MARCHF1: variants seen among roughly 807,000 people sequenced by gnomAD.
MARCHF1 encodes membrane associated ring-CH-type finger 1, also known as E3 ubiquitin-protein ligase MARCHF1.
Under a neutral mutation model 54.2 loss-of-function variants are expected in MARCHF1, and 40 were observed. The observed-to-expected ratio is 0.74, with a 90% CI of 0.57 to 0.96. The LOEUF is 0.96. Ranked by LOEUF, MARCHF1 falls within the 40% of genes least tolerant of loss-of-function variation. The pLI is 0.00. For missense variants in MARCHF1, 586 were observed against 656.5 expected (o/e 0.89, Z 1.17); for synonymous variants, 236 against 236.3 (o/e 1.00, Z 0.01).
intron 1 of MARCHF1, among the ~76,000 whole-genome samples, chr4:164,322,932 T>C (rs535629524): frequency 1.3e-5 from 2 of 151,982 alleles, no homozygotes; most frequent in South Asian, 4.2e-4. Flanking sequence ...ATATGTAAAG[T>C]AAAAACTGTT....
intron 1 of MARCHF1, among the ~76,000 whole-genome samples, chr4:164,269,017 TTTA>T (rs1733678959): frequency 6.6e-6 from 1 of 152,118 alleles, no homozygotes; most frequent in Non-Finnish European, 1.5e-5. Context: ...AATTTTGGGG[TTTA>T]TATTTTTGAA....
intron 2 of MARCHF1, among the ~76,000 whole-genome samples, chr4:164,096,569 T>TA (rs1755417207): frequency 8.1e-6 from 1 of 123,880 alleles, no homozygotes; most frequent in Admixed American, 7.5e-5. Context: ...GTATCTAAAA[T>TA]TAAAAAAAAA....
intron 5 of MARCHF1, among the ~76,000 whole-genome samples, chr4:163,668,859 A>C (rs986916602): frequency 1.3e-5 from 2 of 152,122 alleles, no homozygotes; most frequent in Admixed American, 6.6e-5. Flanking sequence ...GAGGTAGAGG[A>C]GTCAAAGAAG....
intron 1 of MARCHF1, among the ~76,000 whole-genome samples, chr4:164,131,513 T>C (rs960816397): frequency 3.3e-5 from 5 of 152,282 alleles, no homozygotes; most frequent in African/African-American, 1.2e-4. Context: ...TTCAAGGTAA[T>C]AGTTTTTAAG....
intron 3 of MARCHF1, among the ~76,000 whole-genome samples, chr4:163,972,019 T>C (rs1212573512): frequency 6.6e-6 from 1 of 151,994 alleles, no homozygotes; most frequent in East Asian, 1.9e-4. Context: ...TGTGCAGCAA[T>C]AAAAAAGGAT....
intron 5 of MARCHF1, among the ~76,000 whole-genome samples, chr4:163,633,258 C>T (rs1379172116): frequency 7.2e-5 from 11 of 152,280 alleles, no homozygotes; most frequent in Middle Eastern, 3.4e-3. Context: ...ATGACTTTGA[C>T]GAGCTGAGAG....
At chr4:163,604,207 A>G (rs1188685887) in intron 7 of MARCHF1, among the ~76,000 whole-genome samples, 1 of 152,012 alleles carries the variant, frequency 6.6e-6, no homozygotes, top group Non-Finnish European at 1.5e-5. Context: ...TGAACTCTAG[A>G]CCTTGCCTGT....
At chr4:164,048,501 G>C (rs1754287731) in intron 2 of MARCHF1, among the ~76,000 whole-genome samples, 1 of 152,052 alleles carries the variant, frequency 6.6e-6, no homozygotes. Context: ...TGAGAACAAT[G>C]TTAATATCAC....
At chr4:163,547,672 T>C (rs1158591603) in intron 8 of MARCHF1, among the ~76,000 whole-genome samples, 1 of 152,222 alleles carries the variant, frequency 6.6e-6, no homozygotes, top group Non-Finnish European at 1.5e-5. Flanking sequence ...AAGAATTAAA[T>C]AGATACTTCC....
intron 9 of MARCHF1, among the ~76,000 whole-genome samples, chr4:163,538,662 G>A (rs1738617925): frequency 6.6e-6 from 1 of 152,126 alleles, no homozygotes; most frequent in Non-Finnish European, 1.5e-5. Context: ...TGTTTTCGAG[G>A]GGTACGGATT....
chr4:164,248,961 C>G (rs1367395396), intron 1 of MARCHF1, among the ~76,000 whole-genome samples: 1 of 151,834 alleles, frequency 6.6e-6, no homozygotes, highest in Non-Finnish European at 1.5e-5. Context: ...TGTAAATAAA[C>G]CAAACATGAA....
chr4:164,154,392 GATTCAAGTA>G (rs1475798509), intron 1 of MARCHF1, among the ~76,000 whole-genome samples: 3 of 152,318 alleles, frequency 2.0e-5, no homozygotes, highest in Admixed American at 6.5e-5. Context: ...TAAGGGTTTT[GATTCAAGTA>G]ATTCAAGTAA....
chr4:163,535,978 T>C (rs1673040429), intron 9 of MARCHF1, among the ~76,000 whole-genome samples: 1 of 152,130 alleles, frequency 6.6e-6, no homozygotes, highest in African/African-American at 2.4e-5. Flanking sequence ...CATCCTACAA[T>C]GCACAGGACA....
At chr4:164,201,368 T>C (rs11723278) in intron 1 of MARCHF1, among the ~76,000 whole-genome samples, 57,977 of 151,960 alleles carry the variant, frequency 0.38, 12,665 homozygotes, top group Non-Finnish European at 0.5. Context: ...TACAGGCACG[T>C]GCCACCACAC....
intron 2 of MARCHF1, among the ~76,000 whole-genome samples, chr4:164,047,965 G>T (rs953832298): frequency 3.9e-5 from 6 of 151,974 alleles, no homozygotes; most frequent in African/African-American, 1.5e-4. Flanking sequence ...TTTTCCCAGA[G>T]CAGCATTAGC....
intron 3 of MARCHF1, among the ~76,000 whole-genome samples, chr4:163,919,803 A>G (rs1751384493): frequency 6.6e-6 from 1 of 152,124 alleles, no homozygotes; most frequent in Non-Finnish European, 1.5e-5. Flanking sequence ...TTTCAGCACT[A>G]TGTCTTAAGA....
At chr4:163,892,197 T>G (rs1369718912) in intron 3 of MARCHF1, among the ~76,000 whole-genome samples, 1 of 152,350 alleles carries the variant, frequency 6.6e-6, no homozygotes, top group South Asian at 2.1e-4. Flanking sequence ...TAACTGTTCC[T>G]CTACTAGTCT....
chr4:163,841,329 T>C (rs1472448720), intron 4 of MARCHF1, among the ~76,000 whole-genome samples: 1 of 152,082 alleles, frequency 6.6e-6, no homozygotes, highest in African/African-American at 2.4e-5. Flanking sequence ...TGGACCACTT[T>C]GGGGATGTTA....
intron 1 of MARCHF1, among the ~76,000 whole-genome samples, chr4:164,155,764 A>G (rs1191291782): frequency 6.6e-6 from 1 of 152,136 alleles, no homozygotes; most frequent in Non-Finnish European, 1.5e-5. Context: ...TCACCACTAT[A>G]CAATGTATTC....
Sources: gnomAD v4.1 joint callset for allele counts (sites outside exome capture counted in the v4.1 genomes callset) on GRCh38, gnomAD v4.1.1 for gene constraint, MANE v1.5 for transcripts, NCBI Gene and HGNC (gene_info 2026-07-23, HGNC 2026-07-21) for gene names.